Variants in CNTN5 observed in about 807,000 individuals in gnomAD.
CNTN5 encodes the protein contactin 5, also known as contactin-5.
In CNTN5, 77 loss-of-function variants were observed where a neutral mutation model predicts 129.1. That is an observed-to-expected ratio of 0.60 (90% confidence interval 0.50 to 0.72). The LOEUF (loss-of-function observed/expected upper bound fraction) is 0.72. Ranked by LOEUF, CNTN5 falls within the 30% of genes least tolerant of loss-of-function variation. CNTN5 has a pLI of 0.00. For missense variants in CNTN5, 1,478 were observed against 1,328.8 expected (o/e 1.11, Z -1.75); for synonymous variants, 509 against 465.6 (o/e 1.09, Z -1.20).
At chr11:99,358,255 ATT>A (rs1186386021) in intron 2 of CNTN5, among the ~76,000 whole-genome samples, 10,595 of 46,826 alleles carry the variant, frequency 0.23, 1,535 homozygotes, top group Admixed American at 0.34. Flanking sequence ...CGCCCTGCTG[ATT>A]TTTTTTTTTT....
intron 1 of CNTN5, among the ~76,000 whole-genome samples, chr11:99,115,257 C>T (rs529614210): frequency 6.6e-6 from 1 of 152,038 alleles, no homozygotes; most frequent in Admixed American, 6.6e-5. Context: ...TCATTTTTGA[C>T]AAAATACTTT....
intron 13 of CNTN5, among the ~76,000 whole-genome samples, chr11:100,169,500 C>G (rs1541641): frequency 0.13 from 19,912 of 151,968 alleles, 1,292 homozygotes; most frequent in African/African-American, 0.15. Context: ...GGTGAAGACC[C>G]TTCACCAGCG....
chr11:99,801,487 A>T (rs1236408025), intron 3 of CNTN5, among the ~76,000 whole-genome samples: 7 of 152,168 alleles, frequency 4.6e-5, no homozygotes, highest in Non-Finnish European at 1.0e-4. Context: ...TTCCAAGACT[A>T]TTAGCAACAT....
chr11:99,898,402 CA>C (rs1353082291), intron 6 of CNTN5, among the ~76,000 whole-genome samples: 1 of 151,648 alleles, frequency 6.6e-6, no homozygotes, highest in Non-Finnish European at 1.5e-5. Context: ...ACCAGAAAAA[CA>C]AAAAAAGATC....
chr11:99,267,726 C>T lies in CNTN5; in HGVS notation c.-209-57620C>T, dbSNP rs1182558528. Among the ~76,000 whole-genome samples, 4 of 151,896 alleles carry T rather than the reference C, an allele frequency of 2.6e-5. No individual in the cohort carries two copies. The South Asian group carries it at 8.3e-4, about 32-fold the overall frequency. On this transcript the variant is annotated intron_variant, in intron 1 of 24. Transcript: ENST00000524871. ...AAACATTAATAAGTGAATAAGCATC[C>T]ATTTCATTGAATTCCATTTGCTTCA...
chr11:100,092,025 G>GA (rs892609800), intron 13 of CNTN5, among the ~76,000 whole-genome samples: 14 of 151,988 alleles, frequency 9.2e-5, no homozygotes, highest in Non-Finnish European at 1.0e-4. Flanking sequence ...GAATTTCTTT[G>GA]AAAAAATATA....
chr11:100,100,684 GA>G (rs1347923281), intron 13 of CNTN5, among the ~76,000 whole-genome samples: 1 of 152,040 alleles, frequency 6.6e-6, no homozygotes, highest in Admixed American at 6.6e-5. Context: ...GTTATAAAAA[GA>G]AAAAGTATTT....
chr11:99,237,121 A>G (rs1861309166), intron 1 of CNTN5, among the ~76,000 whole-genome samples: 1 of 151,706 alleles, frequency 6.6e-6, no homozygotes, highest in Non-Finnish European at 1.5e-5. Context: ...GGAGTTTTTT[A>G]ATTTGTTATT....
At chr11:99,786,928 C>T (rs191433815) in intron 3 of CNTN5, among the ~76,000 whole-genome samples, 25 of 152,164 alleles carry the variant, frequency 1.6e-4, no homozygotes, top group Admixed American at 1.2e-3. Flanking sequence ...TTAAGAGAAT[C>T]GATACGCTAT....
At chr11:100,214,699 A>G (rs79681384) in intron 15 of CNTN5, among the ~76,000 whole-genome samples, 1,915 of 152,154 alleles carry the variant, frequency 0.013, 43 homozygotes, top group African/African-American at 0.043. Flanking sequence ...ACCTTTGCAC[A>G]CCTAACCCCG....
intron 8 of CNTN5, among the ~76,000 whole-genome samples, chr11:99,978,857 A>G (rs1453134879): frequency 6.6e-6 from 1 of 152,180 alleles, no homozygotes; most frequent in Non-Finnish European, 1.5e-5. Flanking sequence ...GAGAGGTAGG[A>G]TAGAATTGTG....
At chr11:99,678,468 C>A (rs1298985200) in intron 3 of CNTN5, among the ~76,000 whole-genome samples, 1 of 152,014 alleles carries the variant, frequency 6.6e-6, no homozygotes, top group South Asian at 2.1e-4. Context: ...CCCCAGACAT[C>A]CAGGAAGGAA....
Position 99,698,908 on chromosome 11 carries a change from A to G in CNTN5, c.56-120636A>G, listed in dbSNP as rs1041643662. On this transcript the variant is annotated intron_variant, in intron 3 of 24. Coordinates refer to ENST00000524871, the MANE Select transcript of CNTN5 (RefSeq NM_014361.4). ...ACAGTGTGGGAAGCATAAAAACACA[A>G]AAACATAAAAAAAAAAAAAAACTTG... 2.8e-3 allele frequency among the ~76,000 whole-genome samples: 145 copies of G among 51,068 alleles called. 3 individuals carry two copies. Among genetic ancestry groups the G allele is most frequent in the Non-Finnish European group, 5.0e-4 (11 of 22,006 alleles). The allele number at this position is 51,068 out of a possible 152,430, so 33.5% of individuals were successfully genotyped here.
At chr11:99,367,394 C>T (rs1252413226) in intron 2 of CNTN5, among the ~76,000 whole-genome samples, 2 of 151,936 alleles carry the variant, frequency 1.3e-5, no homozygotes, top group Non-Finnish European at 2.9e-5. Context: ...ATAGCTTTGC[C>T]TGGCATTAGA....
intron 3 of CNTN5, among the ~76,000 whole-genome samples, chr11:99,763,196 T>C (rs978863843): frequency 5.9e-5 from 9 of 152,142 alleles, no homozygotes; most frequent in African/African-American, 2.2e-4. Flanking sequence ...TTGAAATGTG[T>C]ATCAGTTTTT....
chr11:99,614,548 C>G (rs1950698438), intron 3 of CNTN5, among the ~76,000 whole-genome samples: 1 of 152,118 alleles, frequency 6.6e-6, no homozygotes, highest in South Asian at 2.1e-4. Context: ...ATTAGTGATT[C>G]TTAGCCTTAG....
At chr11:99,606,730 T>G (rs369352587) in intron 3 of CNTN5, among the ~76,000 whole-genome samples, 7 of 143,104 alleles carry the variant, frequency 4.9e-5, no homozygotes, top group South Asian at 2.3e-4. Flanking sequence ...AAACAGCATG[T>G]TACTGGTACG....
chr11:99,872,587 A>G (rs1330555095), intron 6 of CNTN5, among the ~76,000 whole-genome samples: 1 of 152,106 alleles, frequency 6.6e-6, no homozygotes, highest in East Asian at 1.9e-4. Context: ...TCTGAAGACA[A>G]AAATCTGTAT....
At chr11:100,113,651 A>G (rs541440644) in intron 13 of CNTN5, among the ~76,000 whole-genome samples, 1 of 152,110 alleles carries the variant, frequency 6.6e-6, no homozygotes, top group South Asian at 2.1e-4. Flanking sequence ...TACTGAATGC[A>G]TAATTTTCCC....
Sources: allele counts gnomAD v4.1 joint callset (sites outside exome capture counted in the v4.1 genomes callset), GRCh38; gene constraint gnomAD v4.1.1; transcripts MANE v1.5; gene names NCBI Gene and HGNC (gene_info 2026-07-23, HGNC 2026-07-21).